The following VDAC1 variants were observed in gnomAD, a reference collection of about 807,000 sequenced individuals.
VDAC1 encodes non-selective voltage-gated ion channel VDAC1.
A neutral mutation model predicts 34.7 loss-of-function variants in VDAC1; 10 were observed. That is an observed-to-expected ratio of 0.29 (90% CI 0.18 to 0.49). The LOEUF is 0.49. Ranked by LOEUF, VDAC1 falls within the 20% of genes least tolerant of loss-of-function variation. VDAC1 has a pLI of 0.99. For missense variants in VDAC1, 230 were observed against 347.9 expected, an observed-to-expected ratio of 0.66 and a Z score of 2.69; for synonymous variants, 130 against 136.0, an observed-to-expected ratio of 0.96 and a Z score of 0.30.
At chr5:134,066,927 C>T in the VDAC1 span, among the ~76,000 whole-genome samples, 1 of 152,142 alleles carries the variant, frequency 6.6e-6, no homozygotes, top group African/African-American at 2.4e-5. Context: ...AAAAAATATC[C>T]ATTCCCCTGC....
chr5:134,018,435 A>T, the VDAC1 span, among the ~76,000 whole-genome samples: 3 of 152,126 alleles, frequency 2.0e-5, no homozygotes, highest in Non-Finnish European at 4.4e-5. Context: ...CCAACATGAG[A>T]TTTGGAGGAG....
the VDAC1 span, among the ~76,000 whole-genome samples, chr5:134,037,126 T>A: frequency 1.3e-5 from 2 of 151,960 alleles, no homozygotes; most frequent in African/African-American, 4.8e-5. Context: ...CAGGCAACCA[T>A]CCAGAGACCA....
At chr5:133,977,068 A>G (rs1026114844) in intron 6 of VDAC1, among the ~76,000 whole-genome samples, 2 of 152,202 alleles carry the variant, frequency 1.3e-5, no homozygotes, top group Non-Finnish European at 2.9e-5. Context: ...AAAATAAAAA[A>G]TGTTATGGAA....
chr5:133,992,470 G>T (rs1753140397), intron 2 of VDAC1, 115 bp from the exon 3 acceptor site: 1 of 661,884 alleles, frequency 1.5e-6, no homozygotes, highest in African/African-American at 1.9e-5. Flanking sequence ...TCCTGCCACA[G>T]GGGCTGAGGG....
the VDAC1 span, among the ~76,000 whole-genome samples, chr5:134,026,516 GAAAAA>G: frequency 2.8e-5 from 2 of 72,334 alleles, no homozygotes; most frequent in South Asian, 5.6e-4. Flanking sequence ...CTCCGTCTCA[GAAAAA>G]AAAAAAAAAA....
the VDAC1 span, among the ~76,000 whole-genome samples, chr5:134,033,154 ATTTT>A: frequency 4.8e-4 from 60 of 125,394 alleles, 1 homozygote; most frequent in African/African-American, 1.2e-3. Flanking sequence ...GTAGAAACTA[ATTTT>A]TTTTTTTTTT....
the VDAC1 span, among the ~76,000 whole-genome samples, chr5:134,056,374 A>T: frequency 6.6e-6 from 1 of 151,106 alleles, no homozygotes; most frequent in Non-Finnish European, 1.5e-5. Context: ...CACTGTATTG[A>T]TGAACATTAA....
chr5:134,070,052 T>C, the VDAC1 span, among the ~76,000 whole-genome samples: 1 of 152,184 alleles, frequency 6.6e-6, no homozygotes, highest in Non-Finnish European at 1.5e-5. Context: ...CACCCCTTGT[T>C]TAGCATGTGA....
chr5:134,030,074 C>G, the VDAC1 span, among the ~76,000 whole-genome samples: 7 of 152,274 alleles, frequency 4.6e-5, no homozygotes, highest in African/African-American at 1.7e-4. Flanking sequence ...GGCACGGTGG[C>G]TCACACCTGT....
chr5:134,102,248 G>C, the VDAC1 span, among the ~76,000 whole-genome samples: 3,858 of 152,240 alleles, frequency 0.025, 159 homozygotes, highest in African/African-American at 0.089. Context: ...GCTGAGGAAC[G>C]GGCCACAGGG....
chr5:134,023,638 C>T, the VDAC1 span, among the ~76,000 whole-genome samples: 1 of 152,136 alleles, frequency 6.6e-6, no homozygotes, highest in Non-Finnish European at 1.5e-5. Context: ...ATGGGCCAGG[C>T]CCTCTTCTAG....
At chr5:134,065,485 C>T in the VDAC1 span, among the ~76,000 whole-genome samples, 1 of 151,258 alleles carries the variant, frequency 6.6e-6, no homozygotes, top group African/African-American at 2.4e-5. Context: ...GGACTACAAG[C>T]GTGCGCCACC....
chr5:134,038,534 C>T, the VDAC1 span, among the ~76,000 whole-genome samples: 2,424 of 152,270 alleles, frequency 0.016, 65 homozygotes, highest in African/African-American at 0.055. Context: ...TCCCACCCCC[C>T]ACAAATATCA....
the VDAC1 span, among the ~76,000 whole-genome samples, chr5:134,080,776 C>T: frequency 3.0e-3 from 464 of 152,254 alleles, 2 homozygotes; most frequent in African/African-American, 0.01. Context: ...GAGGTATAAT[C>T]GAAGTCTACT....
chr5:134,077,429 TA>T, the VDAC1 span, among the ~76,000 whole-genome samples: 2 of 152,194 alleles, frequency 1.3e-5, no homozygotes, highest in African/African-American at 4.8e-5. Context: ...ACTGAGCACC[TA>T]CCATGTGCCA....
At chr5:134,039,910 C>T in the VDAC1 span, among the ~76,000 whole-genome samples, 9 of 152,090 alleles carry the variant, frequency 5.9e-5, no homozygotes, top group African/African-American at 2.2e-4. Flanking sequence ...CCAGACTGCT[C>T]CTGCAGTCTG....
chr5:134,037,888 G>T, the VDAC1 span, among the ~76,000 whole-genome samples: 1 of 152,102 alleles, frequency 6.6e-6, no homozygotes, highest in Non-Finnish European at 1.5e-5. Context: ...TCCTTTTATA[G>T]ATCATTGTAC....
Position 133,980,715 on chromosome 5 carries a change from C to T in VDAC1, c.551+14G>A. On this transcript the variant is annotated intron_variant, in intron 6 of 8. Coordinates refer to ENST00000265333, the MANE Select transcript of VDAC1 (RefSeq NM_003374.3). ...CCCCACCCCTCCCACCCTGCTGCCCCCATGTACACTTACACATTAGTGTGA... is the reference window on the plus strand; with the variant it reads ...CCCCACCCCTCCCACCCTGCTGCCCTCATGTACACTTACACATTAGTGTGA... 4 of 1,554,904 alleles carry T rather than the reference C, an allele frequency of 2.6e-6. No homozygotes were observed. The highest frequency in any genetic ancestry group is 3.5e-6 in the Non-Finnish European group (4 of 1,129,922).
chr5:134,094,050 C>T, the VDAC1 span, among the ~76,000 whole-genome samples: 14 of 152,236 alleles, frequency 9.2e-5, no homozygotes, highest in Non-Finnish European at 1.8e-4. Context: ...GCTGTGTGAT[C>T]CTGGACTCCA....
Sources: gnomAD v4.1 joint callset for allele counts (sites outside exome capture counted in the v4.1 genomes callset) on GRCh38, gnomAD v4.1.1 for gene constraint, MANE v1.5 for transcripts, NCBI Gene and HGNC (gene_info 2026-07-23, HGNC 2026-07-21) for gene names.